The following CPZ variants were observed in gnomAD, a reference collection of about 807,000 sequenced individuals.
CPZ encodes VEZT/CPZ fusion.
CPZ carries 103 observed loss-of-function variants against 61.8 expected under a neutral mutation model. The observed-to-expected ratio is 1.67, with a 90% CI of 1.42 to 1.96. CPZ has a LOEUF of 1.96. Among genes scored for constraint, CPZ ranks in the 30% most tolerant of loss-of-function variants. The probability of loss-of-function intolerance (pLI) is 0.00; values close to 1 mark genes in which losing one functional copy is unlikely to be tolerated. For missense variants in CPZ, 1,461 were observed against 914.9 expected (o/e 1.60, Z -7.70); for synonymous variants, 551 against 373.7 (o/e 1.47, Z -5.47).
intron 2 of CPZ, 57 bp from the exon 3 acceptor site, chr4:8,601,065 AT>A: frequency 6.6e-7 from 1 of 1,513,296 alleles, no homozygotes; most frequent in Non-Finnish European, 8.9e-7. Context: ...TAAATGTCTG[AT>A]GCGTGACGGT....
At chr4:8,617,325 G>A (rs775825602) in intron 9 of CPZ, among the ~76,000 whole-genome samples, 19 of 152,292 alleles carry the variant, frequency 1.2e-4, no homozygotes, top group African/African-American at 1.4e-4. Context: ...CAGTCACTAC[G>A]GCAGAGCTGA....
chr4:8,612,035 G>C lies in CPZ; in HGVS notation c.1236G>C (p.Lys412Asn). The change falls in exon 8 of 11, where the codon AAG becomes AAC. Residue 412 changes from lysine to asparagine, a missense_variant. Lys to Asn is a moderately conservative substitution (Grantham distance 94). Coordinates refer to ENST00000360986, the MANE Select transcript of CPZ (RefSeq NM_001014447.3). ...CCAGGTTTCTTTTCCAGATGTTCAA[G>C]CTGCTGTCCAGAGCCTACGCTGACG... ...FSPTPDEKMF[K>N]LLSRAYADVH... 6.2e-7 allele frequency: 1 copy of C among 1,613,982 alleles called. No individual in the cohort carries two copies. Among genetic ancestry groups the C allele is most frequent in the South Asian group, 1.1e-5 (1 of 91,072 alleles).
chr4:8,595,281 T>C (rs1714095417), intron 1 of CPZ, among the ~76,000 whole-genome samples: 1 of 152,218 alleles, frequency 6.6e-6, no homozygotes, highest in Admixed American at 6.5e-5. Flanking sequence ...AGACCATGGC[T>C]TGAGAGCCTT....
intron 1 of CPZ, among the ~76,000 whole-genome samples, chr4:8,598,418 C>T (rs1160693570): frequency 1.3e-5 from 2 of 152,244 alleles, no homozygotes; most frequent in Middle Eastern, 3.2e-3. Context: ...CTCTCCTGGC[C>T]TCAAGGTTCT....
At chr4:8,605,581 A>G (rs1410584181) in intron 4 of CPZ, among the ~76,000 whole-genome samples, 2 of 105,010 alleles carry the variant, frequency 1.9e-5, no homozygotes, top group East Asian at 2.8e-4. Context: ...CCATCCAGCC[A>G]TCCAGCCAGC....
At chr4:8,608,134 C>CTCCAGCGTCCAGCT (rs200771067) in intron 7 of CPZ, among the ~76,000 whole-genome samples, 1 of 140,838 alleles carries the variant, frequency 7.1e-6, no homozygotes, top group African/African-American at 2.6e-5. Context: ...GGGCCCCAGC[C>CTCCAGCGTCCAGCT]TCCAGCCCCC....
At position 8,614,407 on chromosome 4, in the gene CPZ, T is replaced by G; in HGVS notation, c.1412T>G (p.Val471Gly). 1 of 1,614,000 alleles carries G rather than the reference T, an allele frequency of 6.2e-7. No individual in the cohort carries two copies. The highest frequency in any genetic ancestry group is 8.5e-7 in the Non-Finnish European group (1 of 1,179,952). ...CACACCAACTGCTTTGAGATCACGG[T>G]AGAGCTGGGCTGTGTGAAGTTCCCC... ...YLHTNCFEITVELGCVKFPPE... is the reference protein window; with the variant it reads ...YLHTNCFEITGELGCVKFPPE... Residue 471 changes from valine to glycine, a missense_variant, in exon 9 of 11, where the codon GTA becomes GGA. Transcript: ENST00000360986.
chr4:8,600,822 G>T, intron 2 of CPZ: 1 of 695,114 alleles, frequency 1.4e-6, no homozygotes, highest in Non-Finnish European at 1.9e-6. Flanking sequence ...TCAGCTGGCT[G>T]CCTTCACGGG....
intron 7 of CPZ, chr4:8,611,059 CTCACTCAT>C (rs925122591): frequency 1.4e-4 from 54 of 378,660 alleles, no homozygotes; most frequent in African/African-American, 2.3e-4. Flanking sequence ...CATTCGCTCA[CTCACTCAT>C]TCACTCATTC....
chr4:8,601,850 AG>A (rs1382119898), intron 3 of CPZ: 1 of 209,768 alleles, frequency 4.8e-6, no homozygotes, highest in Non-Finnish European at 9.4e-6. Flanking sequence ...CTCAGAGTGC[AG>A]GGCTGGCCCT....
In CPZ at chr4:8,612,047, A is replaced by C; in HGVS notation, c.1248A>C (p.Arg416Ser). 6.2e-7 allele frequency: 1 copy of C among 1,613,922 alleles called. No individual in the cohort carries two copies. The highest frequency in any genetic ancestry group is 2.2e-5 in the East Asian group (1 of 44,880). ...TCCAGATGTTCAAGCTGCTGTCCAG[A>C]GCCTACGCTGACGTCCACCCCATGA... ...PDEKMFKLLSRAYADVHPMMM... is the reference protein window; with the variant it reads ...PDEKMFKLLSSAYADVHPMMM... Residue 416 changes from arginine to serine, a missense_variant, in exon 8 of 11, where the codon AGA (arginine) becomes AGC (serine). By Grantham distance (110) the Arg-to-Ser change is moderately radical. Coordinates refer to ENST00000360986, the MANE Select transcript of CPZ (RefSeq NM_001014447.3).
chr4:8,612,212 C>CCCGGGGGG, intron 8 of CPZ, 50 bp downstream of exon 8: 1 of 64,646 alleles, frequency 1.5e-5, no homozygotes, highest in Non-Finnish European at 2.7e-5. Context: ...GGTGCAGGGG[C>CCCGGGGGG]TGGGTGGGGC....
At chr4:8,594,614 C>T (rs1488595304) in intron 1 of CPZ, among the ~76,000 whole-genome samples, 1 of 152,154 alleles carries the variant, frequency 6.6e-6, no homozygotes, top group Non-Finnish European at 1.5e-5. Context: ...AGAAATGCTG[C>T]CACCTCGTGG....
At chr4:8,601,904 C>CTTA (rs1714605585) in intron 3 of CPZ, 1 of 146,610 alleles carries the variant, frequency 6.8e-6, no homozygotes, top group Non-Finnish European at 1.4e-5. Context: ...AACCATAGTG[C>CTTA]TTACCCCTGG....
At position 8,606,078 on chromosome 4, in the gene CPZ, T is replaced by G. The variant is rs1156888276; in HGVS notation, c.799T>G (p.Ser267Ala). ...CATCTACCTAGCCCAGTACCTGTGC[T>G]CTGAGTACCTGCTTGGTAACCCCCG... Reference protein sequence around the residue: ...MLIYLAQYLCSEYLLGNPRIQ... With the variant: ...MLIYLAQYLCAEYLLGNPRIQ... The change falls in exon 5 of 11, where the codon TCT (serine) becomes GCT (alanine). Residue 267 changes from serine to alanine, a missense_variant. Transcript: ENST00000360986. 1 of 1,614,210 alleles carries G rather than the reference T, an allele frequency of 6.2e-7. No homozygotes were observed. Among genetic ancestry groups the G allele is most frequent in the Non-Finnish European group, 8.5e-7 (1 of 1,180,032 alleles).
chr4:8,605,581 A>ATCCATCCATCATCTATTCATCCATCAG (rs1471289317), intron 4 of CPZ, among the ~76,000 whole-genome samples: 122 of 105,000 alleles, frequency 1.2e-3, no homozygotes, highest in Non-Finnish European at 1.6e-3. Context: ...CCATCCAGCC[A>ATCCATCCATCATCTATTCATCCATCAG]TCCAGCCAGC....
intron 8 of CPZ, 24 bp from the exon 9 acceptor site, chr4:8,614,335 G>C (rs772405826): frequency 6.9e-6 from 11 of 1,602,208 alleles, no homozygotes; most frequent in Non-Finnish European, 9.4e-6. Flanking sequence ...CACCCCTGAC[G>C]TCCCCGCTGT....
chr4:8,599,746 C>A, intron 2 of CPZ: 1 of 688,458 alleles, frequency 1.5e-6, no homozygotes, highest in Non-Finnish European at 2.2e-6. Flanking sequence ...CTCCATCCCT[C>A]TCCAGTCCCC....
Position 8,612,077 on chromosome 4 carries a change from G to A in CPZ, c.1278G>A (p.Met426Ile), listed in dbSNP as rs372498180. 4.6e-5 allele frequency: 74 copies of A among 1,613,620 alleles called. No individual in the cohort carries two copies. The highest frequency in any genetic ancestry group is 6.6e-5 in the South Asian group (6 of 91,056). The change falls in exon 8 of 11, where the codon ATG (methionine) becomes ATA (isoleucine). Residue 426 changes from methionine (M) to isoleucine (I), a missense_variant. Coordinates refer to ENST00000360986, the MANE Select transcript of CPZ (RefSeq NM_001014447.3). ...ACGCTGACGTCCACCCCATGATGAT[G>A]GACAGGTCGGAGAATAGGTGTGGAG... ...RAYADVHPMM[M>I]DRSENRCGGN...
Sources: gnomAD v4.1 joint callset for allele counts (sites outside exome capture counted in the v4.1 genomes callset) on GRCh38, gnomAD v4.1.1 for gene constraint, MANE v1.5 for transcripts, NCBI Gene and HGNC (gene_info 2026-07-23, HGNC 2026-07-21) for gene names.